SRGAP2C: variants seen among roughly 807,000 people sequenced by gnomAD.
The protein encoded by SRGAP2C is SLIT-ROBO Rho GTPase-activating protein 2C.
SRGAP2C carries 15 observed loss-of-function variants against 25.1 expected under a neutral mutation model. The observed-to-expected ratio is 0.60, with a 90% CI of 0.40 to 0.92. SRGAP2C has a LOEUF of 0.92. Among genes scored for constraint, SRGAP2C ranks in the 40% least tolerant of loss-of-function variants. SRGAP2C has a pLI of 0.00. For synonymous variants in SRGAP2C, 44 were observed against 96.6 expected (o/e 0.46, Z 3.19); for missense variants, 144 against 264.4 (o/e 0.54, Z 3.16).
At chr1:121,266,740 T>C (rs1255317436) in intron 2 of SRGAP2C, among the ~76,000 whole-genome samples, 1 of 134,054 alleles carries the variant, frequency 7.5e-6, no homozygotes, top group Non-Finnish European at 1.6e-5. Flanking sequence ...AGATTAGTAG[T>C]CCACATTTGC....
chr1:121,338,256 CAG>C (rs1400572081), intron 4 of SRGAP2C, among the ~76,000 whole-genome samples: 12 of 150,200 alleles, frequency 8.0e-5, no homozygotes, highest in Non-Finnish European at 1.3e-4. Context: ...CCAGCTTGTC[CAG>C]AGAGAGAGTA....
At chr1:121,329,534 T>C (rs1285818260) in intron 4 of SRGAP2C, among the ~76,000 whole-genome samples, 6 of 141,688 alleles carry the variant, frequency 4.2e-5, no homozygotes, top group Non-Finnish European at 9.2e-5. Flanking sequence ...GGGCAGCATG[T>C]TTACACTCCT....
intron 2 of SRGAP2C, among the ~76,000 whole-genome samples, chr1:121,201,842 T>A (rs1654988357): frequency 2.6e-5 from 4 of 152,240 alleles, no homozygotes; most frequent in Admixed American, 2.6e-4. Flanking sequence ...GTACTTTTTT[T>A]ATGCTTGAAA....
chr1:121,322,053 T>C (rs1262485132), intron 3 of SRGAP2C, among the ~76,000 whole-genome samples: 2 of 149,616 alleles, frequency 1.3e-5, no homozygotes, highest in African/African-American at 5.0e-5. Flanking sequence ...TCATTTAAGA[T>C]ACAAATGTGT....
chr1:121,254,859 G>A (rs1656421004), intron 2 of SRGAP2C, among the ~76,000 whole-genome samples: 1 of 151,794 alleles, frequency 6.6e-6, no homozygotes. Flanking sequence ...TCCTCCCTAG[G>A]CCTGGTCAGC....
intron 5 of SRGAP2C, among the ~76,000 whole-genome samples, chr1:121,368,062 C>T (rs374598182): frequency 3.4e-5 from 3 of 88,692 alleles, no homozygotes; most frequent in South Asian, 3.3e-4. Context: ...GGCAACAGAG[C>T]GAGACTCTGT....
intron 3 of SRGAP2C, among the ~76,000 whole-genome samples, chr1:121,322,959 T>C (rs1553341294): frequency 6.6e-6 from 1 of 152,098 alleles, no homozygotes; most frequent in Non-Finnish European, 1.5e-5. Flanking sequence ...TAGTTATTAT[T>C]TGCAGTGAAT....
chr1:121,362,717 T>C (rs1659227406), intron 4 of SRGAP2C: 2 of 150,856 alleles, frequency 1.3e-5, no homozygotes, highest in South Asian at 4.3e-4. Context: ...TTGCTGACTC[T>C]GGGGCTCAGA....
intron 5 of SRGAP2C, among the ~76,000 whole-genome samples, chr1:121,369,528 G>A (rs2101656333): frequency 6.6e-6 from 1 of 152,242 alleles, no homozygotes; most frequent in Non-Finnish European, 1.5e-5. Context: ...TTGGCTTGGA[G>A]CAGCGGCTGT....
intron 8 of SRGAP2C, among the ~76,000 whole-genome samples, chr1:121,385,975 C>G (rs1659951739): frequency 6.7e-6 from 1 of 148,492 alleles, no homozygotes; most frequent in Admixed American, 6.7e-5. Context: ...CTCGGGCCCT[C>G]TAGCATAGGC....
chr1:121,324,428 C>T, intron 3 of SRGAP2C, 50 bp from the exon 4 acceptor site: 14 of 1,577,656 alleles, frequency 8.9e-6, no homozygotes, highest in Non-Finnish European at 1.1e-5. Flanking sequence ...GTAGATGTTG[C>T]CCTGGCTGTG....
At chr1:121,285,878 G>A (rs1264477476) in intron 3 of SRGAP2C, among the ~76,000 whole-genome samples, 1 of 151,874 alleles carries the variant, frequency 6.6e-6, no homozygotes, top group African/African-American at 2.4e-5. Flanking sequence ...CAGCATTGAG[G>A]ATCACAGTCC....
intron 7 of SRGAP2C, among the ~76,000 whole-genome samples, chr1:121,378,060 T>C (rs1659713573): frequency 6.6e-6 from 1 of 150,652 alleles, no homozygotes; most frequent in Non-Finnish European, 1.5e-5. Flanking sequence ...TTAAGTTCTG[T>C]GAGAGCAGGA....
chr1:121,289,283 A>G (rs1657442897), intron 3 of SRGAP2C, among the ~76,000 whole-genome samples: 1 of 145,564 alleles, frequency 6.9e-6, no homozygotes, highest in Admixed American at 6.8e-5. Context: ...CGAGAAATCG[A>G]GCACAGCGCC....
intron 5 of SRGAP2C, among the ~76,000 whole-genome samples, chr1:121,366,817 G>A (rs1553349588): frequency 6.6e-6 from 1 of 151,332 alleles, no homozygotes; most frequent in Non-Finnish European, 1.5e-5. Flanking sequence ...GGGAGGGGTA[G>A]TTTGGATAAC....
chr1:121,375,733 G>A (rs1326144518), intron 7 of SRGAP2C, among the ~76,000 whole-genome samples: 1 of 151,660 alleles, frequency 6.6e-6, no homozygotes, highest in Non-Finnish European at 1.5e-5. Context: ...TATTTGTATA[G>A]CATTTAAGGT....
In SRGAP2C at chr1:121,323,644, A is replaced by G. The variant is rs1481368761; in HGVS notation, c.261-834A>G. ...AAAAAAAAAAAAAAAAAAAAAGGGA[A>G]TGAGCACCTTGGTTTAGCACTTTAC... On this transcript the variant is annotated intron_variant, in intron 3 of 9. Coordinates refer to ENST00000367123, the MANE Select transcript of SRGAP2C (RefSeq NM_001329984.2). Among the ~76,000 whole-genome samples the G allele has an allele frequency of 3.7e-5, 5 of 136,518 alleles. No homozygotes were observed. The East Asian group carries it at 1.0e-3, about 28-fold the overall frequency. 89.6% of individuals were successfully genotyped at this position (136,518 alleles called of 152,430 possible).
chr1:121,310,014 G>T (rs1657945617), intron 3 of SRGAP2C, among the ~76,000 whole-genome samples: 1 of 16,176 alleles, frequency 6.2e-5, no homozygotes, highest in Non-Finnish European at 1.2e-4. Context: ...CTTCCACAAT[G>T]GTTGAACTAG....
At position 121,392,131 on chromosome 1, in the gene SRGAP2C, A is replaced by T. The variant is rs1660110570; in HGVS notation, c.*4276A>T. 1.3e-5 allele frequency: 2 copies of T among 152,212 alleles called. No homozygotes were observed. Among genetic ancestry groups the T allele is most frequent in the Non-Finnish European group, 2.9e-5 (2 of 68,026 alleles). 9.4% of individuals were successfully genotyped at this position (152,212 alleles called of 1,614,324 possible). A position where few individuals can be genotyped will look rare whatever the true frequency, so the allele number is the denominator to read the frequency against. On this transcript the variant is annotated 3_prime_UTR_variant, in exon 10 of 10. Coordinates refer to ENST00000367123, the MANE Select transcript of SRGAP2C (RefSeq NM_001329984.2). ...ACTTGAAGAGAAGAAAATGGAAAAT[A>T]CTGTCTCTGAGAAACAGAAAGAATA...
Sources: allele counts gnomAD v4.1 joint callset (sites outside exome capture counted in the v4.1 genomes callset), GRCh38; gene constraint gnomAD v4.1.1; transcripts MANE v1.5; gene names NCBI Gene and HGNC (gene_info 2026-07-23, HGNC 2026-07-21).